GUCY2F: variants seen among roughly 807,000 people sequenced by gnomAD.
GUCY2F encodes retinal guanylyl cyclase 2.
In GUCY2F, 61 loss-of-function variants were observed where a neutral mutation model predicts 73.1. The ratio of observed to expected loss-of-function variants is 0.83; its 90% CI spans 0.68 to 1.03. GUCY2F has a LOEUF of 1.03. GUCY2F is among the 50% of genes least tolerant of loss of function. GUCY2F has a pLI of 0.00. For synonymous variants in GUCY2F, 331 were observed against 307.8 expected (o/e 1.08, Z -0.79); for missense variants, 912 against 854.3 (o/e 1.07, Z -0.84).
At chrX:109,424,968 C>T (rs777641204) in intron 8 of GUCY2F, among the ~76,000 whole-genome samples, 14 of 110,622 alleles carry the variant, frequency 1.3e-4, no homozygotes, top group Non-Finnish European at 2.1e-4. Flanking sequence ...GGTTTCACCA[C>T]GTTGGCCAGG....
Position 109,409,001 on chromosome X carries a change from A to T in GUCY2F, c.1959T>A (p.Asp653Glu), listed in dbSNP as rs755037504. The T allele has an allele frequency of 2.7e-6, 3 of 1,109,240 alleles. No homozygotes were observed. The South Asian group carries it at 5.6e-5, about 21-fold the overall frequency. 91.4% of individuals were successfully genotyped at this position (1,109,240 alleles called of 1,213,427 possible). Residue 653 changes from aspartate to glutamate, a missense_variant, in exon 9 of 20, where the codon GAT becomes GAA. Transcript: ENST00000218006. ...CAGTCTTCCCATTAACCTTTATGAG[A>T]TCCAGCAAGAGTGATGATTTAAACA... ...DWMFKSSLLLDLIKGMKYLHH... is the reference protein window; with the variant it reads ...DWMFKSSLLLELIKGMKYLHH...
At position 109,393,059 on chromosome X, in the gene GUCY2F, G is replaced by T. The variant is rs1340747887; in HGVS notation, c.2425-4C>A. ...TCCCTTTATTAAAAGTTTTAAACTGGAAGTAAAATAGAAAAGGGAACCAGA... is the reference window on the plus strand; with the variant it reads ...TCCCTTTATTAAAAGTTTTAAACTGTAAGTAAAATAGAAAAGGGAACCAGA... On this transcript the variant is annotated splice_polypyrimidine_tract_variant and splice_region_variant and intron_variant, in intron 12 of 19. Coordinates refer to ENST00000218006, the MANE Select transcript of GUCY2F (RefSeq NM_001522.3). 1.5e-5 allele frequency: 15 copies of T among 1,012,329 alleles called. No individual in the cohort carries two copies. Among genetic ancestry groups the T allele is most frequent in the Middle Eastern group, 2.6e-4 (1 of 3,863 alleles). 83.4% of individuals were successfully genotyped at this position (1,012,329 alleles called of 1,213,427 possible). A position where few individuals can be genotyped will look rare whatever the true frequency, so the allele number is the denominator to read the frequency against.
rs1932446957 is a variant in GUCY2F at position 109,465,331 on chromosome X, A to G, written c.843T>C (p.Tyr281=). 2 of 1,202,778 alleles carry G rather than the reference A, an allele frequency of 1.7e-6. No individual in the cohort carries two copies. The highest frequency in any genetic ancestry group is 2.2e-5 in the Admixed American group (1 of 45,690). The part of the protein sequence containing the change: ...MTDGTYVFVP[Y]DALLYSLPYK... The stretch of plus-strand genomic sequence containing the variant: ...AAGGTAAACTGTAGAGCAGGGCATC[A>G]TAAGGAACAAAGACGTAGGTTCCAT... Residue 281 remains tyrosine (Y), a synonymous_variant, in exon 3 of 20, where the codon TAT becomes TAC. Transcript: ENST00000218006.
intron 17 of GUCY2F, among the ~76,000 whole-genome samples, chrX:109,376,484 G>A (rs1309352694): frequency 8.9e-6 from 1 of 112,294 alleles, no homozygotes; most frequent in Non-Finnish European, 1.9e-5. Context: ...GTAAGCCATT[G>A]TCTTCTGTAT....
intron 1 of GUCY2F, among the ~76,000 whole-genome samples, chrX:109,480,641 G>T (rs894806168): frequency 3.6e-5 from 4 of 110,897 alleles, no homozygotes; most frequent in African/African-American, 1.3e-4. Context: ...TCCCTCCTCA[G>T]GCCACATGCC....
At chrX:109,377,387 C>T in intron 17 of GUCY2F, among the ~76,000 whole-genome samples, 1 of 111,684 alleles carries the variant, frequency 9.0e-6, no homozygotes, top group South Asian at 3.8e-4. Context: ...CTCATTCTTT[C>T]ATTTATTCCA....
chrX:109,374,622 CAGAGAGAG>C (rs767937406), intron 19 of GUCY2F, among the ~76,000 whole-genome samples: 1 of 106,176 alleles, frequency 9.4e-6, no homozygotes, highest in African/African-American at 3.4e-5. Context: ...CACTTTCCTA[CAGAGAGAG>C]AGAGAGAGAG....
At chrX:109,415,997 A>G (rs924325675) in intron 8 of GUCY2F, among the ~76,000 whole-genome samples, 6 of 111,888 alleles carry the variant, frequency 5.4e-5, no homozygotes, top group Non-Finnish European at 9.4e-5. Flanking sequence ...AGTGACCGAA[A>G]GCAGAAATGG....
intron 7 of GUCY2F, among the ~76,000 whole-genome samples, chrX:109,441,095 C>A (rs1168480792): frequency 8.9e-6 from 1 of 111,792 alleles, no homozygotes; most frequent in Non-Finnish European, 1.9e-5. Flanking sequence ...ATGTTTGGGT[C>A]TCAAGAACTT....
intron 8 of GUCY2F, among the ~76,000 whole-genome samples, chrX:109,423,183 A>G (rs1442819541): frequency 8.9e-6 from 1 of 112,374 alleles, no homozygotes; most frequent in Non-Finnish European, 1.9e-5. Flanking sequence ...CAGATAATAA[A>G]TAACTTGGAC....
At chrX:109,385,699 T>A (rs974310844) in intron 15 of GUCY2F, among the ~76,000 whole-genome samples, 2 of 112,227 alleles carry the variant, frequency 1.8e-5, no homozygotes, top group African/African-American at 6.5e-5. Context: ...GTTCCCAAAC[T>A]GTGTCTATCA....
intron 8 of GUCY2F, among the ~76,000 whole-genome samples, chrX:109,415,899 A>G (rs1406090713): frequency 8.9e-6 from 1 of 112,210 alleles, no homozygotes; most frequent in Non-Finnish European, 1.9e-5. Context: ...TCAGAAGACA[A>G]TTGAACACTG....
At chrX:109,441,020 T>C (rs761530358) in intron 7 of GUCY2F, among the ~76,000 whole-genome samples, 1 of 112,297 alleles carries the variant, frequency 8.9e-6, no homozygotes, top group African/African-American at 3.2e-5. Flanking sequence ...TTACAAACAA[T>C]AGACTCAGGG....
intron 6 of GUCY2F, among the ~76,000 whole-genome samples, chrX:109,445,343 C>G (rs1931976905): frequency 9.0e-6 from 1 of 111,621 alleles, no homozygotes; most frequent in Admixed American, 9.5e-5. Flanking sequence ...ATATTGTTGC[C>G]CTTGAAGAAA....
chrX:109,446,888 G>C (rs776445951), intron 6 of GUCY2F, among the ~76,000 whole-genome samples: 31 of 111,633 alleles, frequency 2.8e-4, no homozygotes, highest in Middle Eastern at 9.3e-3. Flanking sequence ...TGACAAAGGG[G>C]TAATATCCAG....
chrX:109,375,783 G>T, intron 19 of GUCY2F, 115 bp downstream of exon 19: 1 of 560,868 alleles, frequency 1.8e-6, no homozygotes, highest in Non-Finnish European at 3.1e-6. Flanking sequence ...AAATTCTCCA[G>T]CTCCATCACA....
At chrX:109,479,885 A>G (rs1330892556) in intron 1 of GUCY2F, among the ~76,000 whole-genome samples, 1 of 111,605 alleles carries the variant, frequency 9.0e-6, no homozygotes, top group African/African-American at 3.3e-5. Context: ...TAACTACAAA[A>G]AAAAAATGGG....
At chrX:109,427,200 A>AT (rs1931508819) in intron 8 of GUCY2F, among the ~76,000 whole-genome samples, 2 of 111,568 alleles carry the variant, frequency 1.8e-5, no homozygotes, top group South Asian at 7.6e-4. Context: ...GGCCCCAAAT[A>AT]TTTTTTCACA....
At chrX:109,402,380 T>TG (rs893956292) in intron 10 of GUCY2F, among the ~76,000 whole-genome samples, 19 of 109,220 alleles carry the variant, frequency 1.7e-4, no homozygotes, top group African/African-American at 6.0e-4. Flanking sequence ...CGTTTTGTTT[T>TG]TTTTTTTTTT....
Sources: gnomAD v4.1 joint callset for allele counts (sites outside exome capture counted in the v4.1 genomes callset) on GRCh38, gnomAD v4.1.1 for gene constraint, MANE v1.5 for transcripts, NCBI Gene and HGNC (gene_info 2026-07-23, HGNC 2026-07-21) for gene names.